EIF4G3: variants seen among roughly 807,000 people sequenced by gnomAD.
The protein encoded by EIF4G3 is eIF-4-gamma 3.
In EIF4G3, 34 loss-of-function variants were observed where a neutral mutation model predicts 186.4. The ratio of observed to expected loss-of-function variants is 0.18; its 90% CI spans 0.14 to 0.24. The LOEUF (loss-of-function observed/expected upper bound fraction) is 0.24, where lower values mean the gene tolerates loss of function less well. Ranked by LOEUF, EIF4G3 falls within the 10% of genes least tolerant of loss-of-function variation. The probability of loss-of-function intolerance (pLI) is 1.00; values close to 1 mark genes in which losing one functional copy is unlikely to be tolerated. For missense variants in EIF4G3, 1,536 were observed against 1,948.5 expected (o/e 0.79, Z 3.99); for synonymous variants, 673 against 679.5 (o/e 0.99, Z 0.15).
At chr1:21,139,215 C>A (rs556527986) in intron 2 of EIF4G3, among the ~76,000 whole-genome samples, 1 of 152,156 alleles carries the variant, frequency 6.6e-6, no homozygotes, top group East Asian at 1.9e-4. Context: ...CCTGTTTATA[C>A]TATTACTCTA....
At chr1:21,142,958 G>GA (rs939921848) in intron 2 of EIF4G3, among the ~76,000 whole-genome samples, 6 of 151,980 alleles carry the variant, frequency 3.9e-5, no homozygotes, top group Non-Finnish European at 8.8e-5. Context: ...ACATTAAAAA[G>GA]AAAAAATAGG....
At chr1:20,808,233 A>C (rs1331188349) in intron 36 of EIF4G3, among the ~76,000 whole-genome samples, 1 of 151,978 alleles carries the variant, frequency 6.6e-6, no homozygotes, top group Non-Finnish European at 1.5e-5. Context: ...TATCATGTTT[A>C]TCTCAATCTA....
intron 14 of EIF4G3, among the ~76,000 whole-genome samples, chr1:20,932,754 C>T (rs1332209304): frequency 1.3e-5 from 2 of 152,062 alleles, no homozygotes; most frequent in Non-Finnish European, 2.9e-5. Context: ...GATCACTGAT[C>T]ACAGATCACT....
intron 7 of EIF4G3, among the ~76,000 whole-genome samples, chr1:20,994,053 T>C (rs564595563): frequency 6.6e-6 from 1 of 152,322 alleles, no homozygotes; most frequent in South Asian, 2.1e-4. Context: ...TGGAGGGTAT[T>C]TGGAAATGTA....
chr1:21,120,167 A>T (rs943417060), intron 2 of EIF4G3, among the ~76,000 whole-genome samples: 11 of 150,144 alleles, frequency 7.3e-5, no homozygotes, highest in Non-Finnish European at 1.6e-4. Flanking sequence ...TAGATAAATG[A>T]TGCTGTCACT....
chr1:21,100,733 G>C (rs185617675), intron 2 of EIF4G3, among the ~76,000 whole-genome samples: 86 of 146,346 alleles, frequency 5.9e-4, no homozygotes, highest in African/African-American at 2.0e-3. Context: ...AAAAAAAGAA[G>C]TAGTATGGCT....
At chr1:20,898,569 C>A (rs2089231958) in intron 16 of EIF4G3, among the ~76,000 whole-genome samples, 1 of 152,014 alleles carries the variant, frequency 6.6e-6, no homozygotes, top group African/African-American at 2.4e-5. Flanking sequence ...TGGTTGTGAC[C>A]TATTAATTTC....
intron 14 of EIF4G3, among the ~76,000 whole-genome samples, chr1:20,929,125 T>C (rs953384171): frequency 2.0e-5 from 3 of 152,252 alleles, no homozygotes; most frequent in African/African-American, 7.2e-5. Flanking sequence ...CATGCATCAG[T>C]TGATAAACTG....
chr1:21,176,686 C>G, intron 1 of EIF4G3, 36 bp downstream of exon 1: 1 of 608,750 alleles, frequency 1.6e-6, no homozygotes, highest in Non-Finnish European at 3.0e-6. Flanking sequence ...GGGGGGGGGC[C>G]GGACCCGGCG....
At chr1:21,038,978 C>T (rs2093404991) in intron 4 of EIF4G3, among the ~76,000 whole-genome samples, 1 of 152,056 alleles carries the variant, frequency 6.6e-6, no homozygotes. Flanking sequence ...TCTCAAGGGT[C>T]CCCCAATAGC....
chr1:21,087,932 C>CA (rs1378577141), intron 3 of EIF4G3, among the ~76,000 whole-genome samples: 8 of 150,490 alleles, frequency 5.3e-5, no homozygotes, highest in Non-Finnish European at 1.2e-4. Context: ...CGTGCCCAGC[C>CA]AAAAAAATTT....
intron 3 of EIF4G3, among the ~76,000 whole-genome samples, chr1:21,075,084 G>C (rs2095546028): frequency 6.6e-6 from 1 of 151,728 alleles, no homozygotes; most frequent in Non-Finnish European, 1.5e-5. Flanking sequence ...AATAAACAAG[G>C]AGAGGGAAAA....
At chr1:20,893,093 C>CTTTTTT (rs1184859243) in intron 18 of EIF4G3, 12 of 145,576 alleles carry the variant, frequency 8.2e-5, no homozygotes, top group South Asian at 3.7e-4. Flanking sequence ...TTTTTCTTTT[C>CTTTTTT]TTTTTTTTTT....
At chr1:21,151,827 A>G (rs1232704412) in intron 2 of EIF4G3, among the ~76,000 whole-genome samples, 1 of 152,168 alleles carries the variant, frequency 6.6e-6, no homozygotes. Flanking sequence ...TTTCTGTTAC[A>G]TTACCTAGGG....
chr1:20,848,849 C>T lies in EIF4G3; in HGVS notation c.3888+566G>A, dbSNP rs181676827. Reference sequence around the variant, plus strand: ...ATCATTTGAGGTCAGGAGTTCAAGACCAGCCTGGCCAAAATGGTGAAACCC... The same window carrying T: ...ATCATTTGAGGTCAGGAGTTCAAGATCAGCCTGGCCAAAATGGTGAAACCC... On this transcript the variant is annotated intron_variant, in intron 29 of 36. Transcript: ENST00000602326. Among the ~76,000 whole-genome samples, 23 of 151,744 alleles carry T rather than the reference C, an allele frequency of 1.5e-4. No individual in the cohort carries two copies. The East Asian group carries it at 4.3e-3, about 28-fold the overall frequency.
At chr1:20,837,994 G>A (rs776779960) in intron 30 of EIF4G3, among the ~76,000 whole-genome samples, 11 of 152,158 alleles carry the variant, frequency 7.2e-5, no homozygotes, top group Non-Finnish European at 1.3e-4. Context: ...AGCTGCAGAC[G>A]GAAGCAGGTA....
In EIF4G3 at chr1:21,176,739, T is replaced by C. The variant is rs1320962950; in HGVS notation, c.-473A>G. ...GACCGGACCTTTCACGGCAATATCC[T>C]CATGGGCCGGCGGCGGGGGATCTTT... On this transcript the variant is annotated 5_prime_UTR_variant, in exon 1 of 37. Transcript: ENST00000602326. 2.9e-6 allele frequency: 2 copies of C among 696,924 alleles called. No individual in the cohort carries two copies. The highest frequency in any genetic ancestry group is 2.6e-6 in the Non-Finnish European group (1 of 382,690). The allele number at this position is 696,924 out of a possible 1,614,324, so 43.2% of individuals were successfully genotyped here.
chr1:21,074,462 A>G (rs2095528524), intron 3 of EIF4G3, among the ~76,000 whole-genome samples: 1 of 152,206 alleles, frequency 6.6e-6, no homozygotes, highest in Admixed American at 6.5e-5. Flanking sequence ...TCGTATTTAA[A>G]TTTATCAAAT....
At chr1:20,844,589 C>T (rs188308908) in intron 29 of EIF4G3, among the ~76,000 whole-genome samples, 148 of 152,084 alleles carry the variant, frequency 9.7e-4, no homozygotes, top group African/African-American at 3.2e-3. Context: ...CGCCTGTAAT[C>T]CCAGTATTTG....
Sources: allele counts gnomAD v4.1 joint callset (sites outside exome capture counted in the v4.1 genomes callset), GRCh38; gene constraint gnomAD v4.1.1; transcripts MANE v1.5; gene names NCBI Gene and HGNC (gene_info 2026-07-23, HGNC 2026-07-21).